Variants in GPBP1L1 observed in about 807,000 individuals in gnomAD.
GPBP1L1 encodes the protein vasculin-like protein 1.
Under a neutral mutation model 52.5 loss-of-function variants are expected in GPBP1L1, and 23 were observed. The observed-to-expected ratio is 0.44, with a 90% CI of 0.32 to 0.62. The LOEUF is 0.62. Ranked by LOEUF, GPBP1L1 falls within the 20% of genes least tolerant of loss-of-function variation. GPBP1L1 has a pLI of 0.06. For synonymous variants in GPBP1L1, 243 were observed against 203.1 expected (o/e 1.20, Z -1.67); for missense variants, 596 against 579.3 (o/e 1.03, Z -0.30).
At chr1:45,628,646 G>GAAC (rs1644489159) in intron 12 of GPBP1L1, among the ~76,000 whole-genome samples, 1 of 152,022 alleles carries the variant, frequency 6.6e-6, no homozygotes, top group Non-Finnish European at 1.5e-5. Flanking sequence ...GATGGGGCTT[G>GAAC]AAAGTCCTTA....
intron 6 of GPBP1L1, chr1:45,651,470 T>G (rs891325113): frequency 6.8e-6 from 3 of 443,550 alleles, no homozygotes; most frequent in South Asian, 2.3e-5. Flanking sequence ...GCAGCTTTCT[T>G]CTCAGCCTGG....
chr1:45,633,467 C>T, intron 10 of GPBP1L1, 22 bp downstream of exon 10: 1 of 1,610,016 alleles, frequency 6.2e-7, no homozygotes. Flanking sequence ...AGGCTACCCC[C>T]AGAAAAGGCG....
At position 45,654,849 on chromosome 1, in the gene GPBP1L1, G is replaced by A. The variant is rs1644865107; in HGVS notation, c.191-20C>T. The A allele has an allele frequency of 6.2e-7, 1 of 1,604,276 alleles. No individual in the cohort carries two copies. Among genetic ancestry groups the A allele is most frequent in the South Asian group, 1.1e-5 (1 of 89,968 alleles). On this transcript the variant is annotated intron_variant, in intron 5 of 12. Coordinates refer to ENST00000355105, the MANE Select transcript of GPBP1L1 (RefSeq NM_021639.5). ...AAGAATCTAGAATAGTAAAGAAAAG[G>A]ACTAATTAGATTGTTTGCTTCCTGA...
chr1:45,642,493 A>G lies in GPBP1L1; in HGVS notation c.484T>C (p.Leu162=). The G allele has an allele frequency of 6.2e-7, 1 of 1,613,824 alleles. No homozygotes were observed. Among genetic ancestry groups the G allele is most frequent in the Non-Finnish European group, 8.5e-7 (1 of 1,179,690 alleles). Residue 162 remains leucine (L), a synonymous_variant, in exon 7 of 13, where the codon TTG becomes CTG. Coordinates refer to ENST00000355105, the MANE Select transcript of GPBP1L1 (RefSeq NM_021639.5). ...LQFEEEDFPS[L]NPEAGKQHQP... is the part of the protein sequence containing the mutation. ...TGCTGTTTGCCAGCTTCTGGATTCA[A>G]GGAAGGCTAGGAAAAAAGGGATATG... is the stretch of plus-strand genomic sequence containing the variant.
At chr1:45,640,434 A>C in intron 7 of GPBP1L1, 31 bp from the exon 8 acceptor site, 1 of 1,553,380 alleles carries the variant, frequency 6.4e-7, no homozygotes, top group Non-Finnish European at 8.9e-7. Flanking sequence ...GAGACAACAG[A>C]ATGTCAAACC....
At chr1:45,653,846 T>G (rs550545322) in intron 6 of GPBP1L1, among the ~76,000 whole-genome samples, 2 of 151,640 alleles carry the variant, frequency 1.3e-5, no homozygotes, top group East Asian at 3.9e-4. Flanking sequence ...TTATAGGCAC[T>G]TGCCACCAAG....
At chr1:45,659,491 C>T (rs1644922437) in intron 3 of GPBP1L1, among the ~76,000 whole-genome samples, 1 of 152,130 alleles carries the variant, frequency 6.6e-6, no homozygotes, top group Non-Finnish European at 1.5e-5. Context: ...AGTCACTGCG[C>T]CCAGTGAATC....
intron 6 of GPBP1L1, among the ~76,000 whole-genome samples, chr1:45,653,469 C>T (rs946276496): frequency 6.6e-6 from 1 of 152,102 alleles, no homozygotes; most frequent in Non-Finnish European, 1.5e-5. Context: ...AATCCTCCTG[C>T]CTCAGTCTCC....
intron 2 of GPBP1L1, among the ~76,000 whole-genome samples, chr1:45,682,224 T>C (rs538294271): frequency 1.3e-5 from 2 of 152,220 alleles, no homozygotes; most frequent in Non-Finnish European, 2.9e-5. Context: ...ACTTATAAAC[T>C]TTAAAGATAG....
At chr1:45,633,818 G>A in intron 9 of GPBP1L1, 171 bp from the exon 10 acceptor site, 1 of 724,748 alleles carries the variant, frequency 1.4e-6, no homozygotes, top group South Asian at 2.0e-5. Context: ...GGTTTATATA[G>A]TTAAGAGCAG....
intron 2 of GPBP1L1, among the ~76,000 whole-genome samples, chr1:45,683,150 A>C (rs1011708415): frequency 2.0e-5 from 3 of 150,344 alleles, no homozygotes; most frequent in Non-Finnish European, 3.0e-5. Context: ...GGCAGTGACC[A>C]TAACAGTCAA....
chr1:45,683,751 C>CAA lies in GPBP1L1; in HGVS notation c.-1098+1823_-1098+1824dup, dbSNP rs55857116. ...CCTCCCCCTCCTCTCTAATAAAATA[C>CAA]AAAAAAAAAAAAAAAAAAAAATTAG... is the stretch of plus-strand genomic sequence containing the variant. On this transcript the variant is annotated intron_variant, in intron 2 of 12. Transcript: ENST00000355105. Among the ~76,000 whole-genome samples, 781 of 93,118 alleles carry CAA rather than the reference C, an allele frequency of 8.4e-3. 10 individuals are homozygous for CAA. Among genetic ancestry groups the CAA allele is most frequent in the Non-Finnish European group, 0.01 (498 of 49,044 alleles). The allele number at this position is 93,118 out of a possible 152,430, so 61.1% of individuals were successfully genotyped here. A position where few individuals can be genotyped will look rare whatever the true frequency, so the allele number is the denominator to read the frequency against.
chr1:45,682,783 T>A (rs1645226625), intron 2 of GPBP1L1, among the ~76,000 whole-genome samples: 1 of 152,214 alleles, frequency 6.6e-6, no homozygotes, highest in African/African-American at 2.4e-5. Context: ...TAGAAATATA[T>A]CTACCTCAGT....
intron 4 of GPBP1L1, chr1:45,656,144 A>G (rs757534849): frequency 6.6e-6 from 1 of 152,228 alleles, no homozygotes; most frequent in African/African-American, 2.4e-5. Flanking sequence ...AACTTTTGGC[A>G]TCATACCCAT....
At chr1:45,665,727 G>C (rs1363216472) in intron 2 of GPBP1L1, among the ~76,000 whole-genome samples, 1 of 122,762 alleles carries the variant, frequency 8.1e-6, no homozygotes, top group Non-Finnish European at 1.6e-5. Flanking sequence ...CTGGGCAACA[G>C]AGCGAGACGC....
chr1:45,656,395 T>G (rs1644884958), intron 4 of GPBP1L1, among the ~76,000 whole-genome samples: 1 of 152,220 alleles, frequency 6.6e-6, no homozygotes, highest in African/African-American at 2.4e-5. Flanking sequence ...ACATTTATTT[T>G]TCTTACTATC....
At chr1:45,670,959 A>AT (rs1369054257) in intron 2 of GPBP1L1, among the ~76,000 whole-genome samples, 3 of 151,228 alleles carry the variant, frequency 2.0e-5, no homozygotes, top group East Asian at 3.9e-4. Context: ...CACCCAGCTA[A>AT]TTTTTTGTAT....
At chr1:45,664,645 C>G (rs1310041917) in intron 2 of GPBP1L1, among the ~76,000 whole-genome samples, 5 of 151,580 alleles carry the variant, frequency 3.3e-5, no homozygotes, top group Non-Finnish European at 5.9e-5. Flanking sequence ...TCTCAAATGC[C>G]TGAGCTCAAG....
rs530047788 is a variant in GPBP1L1, at chr1:45,661,229, T to A, written c.-1097-4A>T. The A allele has an allele frequency of 2.2e-4, 33 of 152,274 alleles. No individual in the cohort carries two copies. The highest frequency in any genetic ancestry group is 7.7e-4 in the African/African-American group (32 of 41,552). 9.4% of individuals were successfully genotyped at this position (152,274 alleles called of 1,614,324 possible). A position where few individuals can be genotyped will look rare whatever the true frequency, so the allele number is the denominator to read the frequency against. ...AAGGCCACACGAATCTATCACTCTG[T>A]AAATGAAAAAACAAAACATAAAATC... On this transcript the variant is annotated splice_polypyrimidine_tract_variant and splice_region_variant and intron_variant, in intron 2 of 12. Transcript: ENST00000355105.
Sources: gnomAD v4.1 joint callset for allele counts (sites outside exome capture counted in the v4.1 genomes callset) on GRCh38, gnomAD v4.1.1 for gene constraint, MANE v1.5 for transcripts, NCBI Gene and HGNC (gene_info 2026-07-23, HGNC 2026-07-21) for gene names.